The following NTMT2 variants were observed in gnomAD, a reference collection of about 807,000 sequenced individuals.
NTMT2 encodes the protein N-terminal Xaa-Pro-Lys N-methyltransferase 2.
A neutral mutation model predicts 23.4 loss-of-function variants in NTMT2; 21 were observed. That is an observed-to-expected ratio of 0.90 (90% CI 0.64 to 1.29). NTMT2 has a LOEUF of 1.29. NTMT2 is among the 50% of genes most tolerant of loss of function. NTMT2 has a pLI of 0.00. For missense variants in NTMT2, 336 were observed against 352.0 expected (o/e 0.95, Z 0.36); for synonymous variants, 131 against 127.7 (o/e 1.03, Z -0.17).
Position 170,166,711 on chromosome 1 carries a change from C to T in NTMT2, c.540C>T (p.Pro180=). The T allele has an allele frequency of 1.3e-6, 2 of 1,552,330 alleles. No individual in the cohort carries two copies. The highest frequency in any genetic ancestry group is 2.7e-5 in the African/African-American group (2 of 73,170). ...HCYSLQEFTP[P]FRRYDVIWIQ... ...ACAGCCTGCAGGAATTCACACCCCC[C>T]TTCAGGAGATATGATGTCATCTGGA... The change falls in exon 3 of 4, where the codon CCC becomes CCT. Residue 180 remains proline (P), a synonymous_variant. Transcript: ENST00000439373.
In NTMT2 at chr1:170,166,231, C is replaced by T. The variant is rs551977219; in HGVS notation, c.331-271C>T. On this transcript the variant is annotated intron_variant, in intron 2 of 3. Transcript: ENST00000439373. Reference sequence around the variant, plus strand: ...CTCGGCTCACTGCAAGCTCCGCTTCCAGGGTTCACGCCATTCTCCTGCCTC... The same window carrying T: ...CTCGGCTCACTGCAAGCTCCGCTTCTAGGGTTCACGCCATTCTCCTGCCTC... 2.1e-5 allele frequency among the ~76,000 whole-genome samples: 3 copies of T among 144,912 alleles called. No homozygotes were observed. The East Asian group carries it at 6.0e-4, about 29-fold the overall frequency.
chr1:170,153,427 C>T (rs553790), intron 1 of NTMT2, among the ~76,000 whole-genome samples: 152,311 of 152,344 alleles, frequency 1, 76,139 homozygotes, highest in Middle Eastern at 1. Flanking sequence ...CTTCTAAGAG[C>T]TGTTAAATCA....
intron 2 of NTMT2, among the ~76,000 whole-genome samples, chr1:170,166,163 G>A (rs1673379765): frequency 8.9e-6 from 1 of 112,778 alleles, no homozygotes; most frequent in Non-Finnish European, 1.7e-5. Flanking sequence ...TTTTTGAGAC[G>A]GAGTCTCGCT....
rs1276276104 is a variant in NTMT2, at chr1:170,166,514, G to C, written c.343G>C (p.Ala115Pro). ...LRKFVGGPGR[A>P]GTDCALDCGS... The stretch of plus-strand genomic sequence containing the variant: ...TGCCTTTCTGCAGGGGCCTGGGAGA[G>C]CTGGAACAGACTGCGCCTTGGACTG... Residue 115 changes from alanine to proline, a missense_variant, in exon 3 of 4, where the codon GCT (alanine) becomes CCT (proline). Transcript: ENST00000439373. 1 of 1,552,294 alleles carries C rather than the reference G, an allele frequency of 6.4e-7. No homozygotes were observed. The highest frequency in any genetic ancestry group is 1.2e-5 in the South Asian group (1 of 84,046).
rs11461930 is a variant in NTMT2 at position 170,166,306 on chromosome 1, A to ATT, written c.331-189_331-188dup. On this transcript the variant is annotated intron_variant, in intron 2 of 3. Transcript: ENST00000439373. ...AGGCGCCCACCATCACGCCCGGCTA[A>ATT]TTTTTTTTGTATTTTTAGTAGAGAC... Among the ~76,000 whole-genome samples the ATT allele has an allele frequency of 2.8e-4, 38 of 136,802 alleles. 1 individual carries two copies. In the South Asian group the frequency reaches 5.8e-3, roughly 21 times the overall value. The allele number at this position is 136,802 out of a possible 152,430, so 89.7% of individuals were successfully genotyped here.
chr1:170,159,421 G>GTTTT (rs869095905), intron 1 of NTMT2, among the ~76,000 whole-genome samples: 1 of 33,470 alleles, frequency 3.0e-5, no homozygotes, highest in African/African-American at 1.2e-4. Flanking sequence ...TTATGCTCTG[G>GTTTT]TTTTTTTTTT....
At position 170,166,417 on chromosome 1, in the gene NTMT2, A is replaced by G; in HGVS notation, c.331-85A>G. 4.1e-6 allele frequency: 6 copies of G among 1,453,238 alleles called. No homozygotes were observed. In the South Asian group the frequency reaches 5.2e-5, roughly 13 times the overall value. 90.0% of individuals were successfully genotyped at this position (1,453,238 alleles called of 1,614,324 possible). ...CGGCCTCCCAAAGTGCTGGGATTACAAGCGTGAGCCACCGCGCCCGGCCTG... is the reference window on the plus strand; with the variant it reads ...CGGCCTCCCAAAGTGCTGGGATTACGAGCGTGAGCCACCGCGCCCGGCCTG... On this transcript the variant is annotated intron_variant, in intron 2 of 3. Coordinates refer to ENST00000439373, the MANE Select transcript of NTMT2 (RefSeq NM_001136107.2).
At chr1:170,151,744 T>C (rs1206996414) in intron 1 of NTMT2, among the ~76,000 whole-genome samples, 4 of 152,142 alleles carry the variant, frequency 2.6e-5, no homozygotes, top group Non-Finnish European at 4.4e-5. Context: ...TCTACTTAAA[T>C]AGACCTAGGT....
At chr1:170,166,140 C>CTTTTTTTTTTTTTTTT (rs3040077) in intron 2 of NTMT2, among the ~76,000 whole-genome samples, 34 of 67,788 alleles carry the variant, frequency 5.0e-4, no homozygotes, top group African/African-American at 9.4e-4. Context: ...TTTTTTTTTT[C>CTTTTTTTTTTTTTTTT]TTTTTTTTTT....
chr1:170,161,470 T>C (rs1404659344), intron 2 of NTMT2: 1 of 152,226 alleles, frequency 6.6e-6, no homozygotes. Context: ...TGTCATGTCA[T>C]ATGAAGACAG....
At chr1:170,164,540 T>C (rs1673335717) in intron 2 of NTMT2, among the ~76,000 whole-genome samples, 1 of 152,350 alleles carries the variant, frequency 6.6e-6, no homozygotes, top group African/African-American at 2.4e-5. Context: ...TATTTGAATG[T>C]GACATGTGGC....
At chr1:170,158,367 A>G (rs1673205025) in intron 1 of NTMT2, among the ~76,000 whole-genome samples, 1 of 152,222 alleles carries the variant, frequency 6.6e-6, no homozygotes. Flanking sequence ...TATTTCAGGC[A>G]TACTCATACC....
chr1:170,151,723 T>C (rs1183012904), intron 1 of NTMT2, among the ~76,000 whole-genome samples: 2 of 152,096 alleles, frequency 1.3e-5, no homozygotes, highest in East Asian at 1.9e-4. Context: ...AGAGGGATGA[T>C]CTATAGGTTT....
rs1316767789 is a variant in NTMT2 at position 170,167,784 on chromosome 1, C to T, written c.*27C>T. On this transcript the variant is annotated 3_prime_UTR_variant, in exon 4 of 4. Transcript: ENST00000439373. ...AAAGCAGTGGGAATGAACGACTGGA[C>T]TGGGCAGTGGTGCTTTGGGATGGGG... 1 of 1,533,014 alleles carries T rather than the reference C, an allele frequency of 6.5e-7. No individual in the cohort carries two copies. The highest frequency in any genetic ancestry group is 2.0e-5 in the Admixed American group (1 of 50,282). 95.0% of individuals were successfully genotyped at this position (1,533,014 alleles called of 1,614,324 possible).
intron 1 of NTMT2, among the ~76,000 whole-genome samples, chr1:170,159,301 T>C (rs972969788): frequency 3.9e-5 from 6 of 152,146 alleles, no homozygotes; most frequent in Non-Finnish European, 7.4e-5. Context: ...TATTCTTTTT[T>C]AAGACAACAG....
At position 170,167,838 on chromosome 1, in the gene NTMT2, T is replaced by G; in HGVS notation, c.*81T>G. The G allele has an allele frequency of 1.4e-6, 2 of 1,415,222 alleles. No individual in the cohort carries two copies. Among genetic ancestry groups the G allele is most frequent in the Non-Finnish European group, 9.4e-7 (1 of 1,060,616 alleles). 87.7% of individuals were successfully genotyped at this position (1,415,222 alleles called of 1,614,324 possible). A position where few individuals can be genotyped will look rare whatever the true frequency, so the allele number is the denominator to read the frequency against. On this transcript the variant is annotated 3_prime_UTR_variant, in exon 4 of 4. Coordinates refer to ENST00000439373, the MANE Select transcript of NTMT2 (RefSeq NM_001136107.2). ...CTATCCTTCCAGGTGCCCCTTGTAA[T>G]GCAGATAGGGATGGCAAGAAAAGGG...
intron 3 of NTMT2, 90 bp downstream of exon 3, chr1:170,166,841 T>A: frequency 5.1e-6 from 7 of 1,376,536 alleles, no homozygotes; most frequent in Non-Finnish European, 7.0e-6. Context: ...CAGGGAAGAG[T>A]TAGCTGTAGT....
chr1:170,157,359 A>G (rs538501561), intron 1 of NTMT2, among the ~76,000 whole-genome samples: 19 of 152,184 alleles, frequency 1.2e-4, no homozygotes, highest in Non-Finnish European at 1.9e-4. Context: ...ATCTATGTAT[A>G]ATAGTTAACA....
At chr1:170,157,933 T>C (rs532258953) in intron 1 of NTMT2, 1 of 152,278 alleles carries the variant, frequency 6.6e-6, no homozygotes, top group African/African-American at 2.4e-5. Context: ...TTGAAGTCTA[T>C]GTTTTGTCTT....
Sources: allele counts gnomAD v4.1 joint callset (sites outside exome capture counted in the v4.1 genomes callset), GRCh38; gene constraint gnomAD v4.1.1; transcripts MANE v1.5; gene names NCBI Gene and HGNC (gene_info 2026-07-23, HGNC 2026-07-21).